CC2D2A: variants seen among roughly 807,000 people sequenced by gnomAD.
CC2D2A encodes coiled-coil and C2 domain-containing protein 2A.
CC2D2A carries 155 observed loss-of-function variants against 212.9 expected under a neutral mutation model. The observed-to-expected ratio is 0.73, with a 90% CI of 0.64 to 0.83. The LOEUF is 0.83. Ranked by LOEUF, CC2D2A falls within the 40% of genes least tolerant of loss-of-function variation. The probability of loss-of-function intolerance (pLI) is 0.00; values close to 1 mark genes in which losing one functional copy is unlikely to be tolerated. For missense variants in CC2D2A, 1,856 were observed against 1,956.2 expected (o/e 0.95, Z 0.97); for synonymous variants, 667 against 686.5 (o/e 0.97, Z 0.44).
Position 15,599,532 on chromosome 4 carries a change from T to G in CC2D2A, c.4500T>G (p.Ile1500Met), listed in dbSNP as rs1721480116. The change falls in exon 36 of 37, where the codon ATT (isoleucine) becomes ATG (methionine). Residue 1500 changes from isoleucine (I) to methionine (M), a missense_variant. Ile to Met is a conservative substitution (Grantham distance 10). Around this residue, in one of 5 missense-constraint regions of CC2D2A, gnomAD observed 285 missense variants for 278.4 expected, o/e 1.02. Transcript: ENST00000424120. ...GGAATTTATGTTTTGTGAACAGGAT[T>G]GAAAAAATACTAAAAGAAAAAATCA... Reference protein sequence around the residue: ...KAAAAELQDRIEKILKEKIMD... With the variant: ...KAAAAELQDRMEKILKEKIMD... 3 of 1,552,406 alleles carry G rather than the reference T, an allele frequency of 1.9e-6. No homozygotes were observed. Among genetic ancestry groups the G allele is most frequent in the Middle Eastern group, 3.4e-4 (2 of 5,810 alleles).
intron 30 of CC2D2A, among the ~76,000 whole-genome samples, chr4:15,581,241 T>C (rs1720652582): frequency 1.3e-5 from 2 of 152,212 alleles, no homozygotes; most frequent in South Asian, 4.1e-4. Context: ...TATTACACAA[T>C]TTTTATAGAA....
At chr4:15,528,204 G>C (rs528032059) in intron 12 of CC2D2A, among the ~76,000 whole-genome samples, 2 of 152,290 alleles carry the variant, frequency 1.3e-5, no homozygotes, top group Non-Finnish European at 2.9e-5. Flanking sequence ...GCCCAAAGAA[G>C]AGATAACTTC....
chr4:15,470,696 T>TC (rs1479201617), intron 1 of CC2D2A, among the ~76,000 whole-genome samples: 8 of 28,244 alleles, frequency 2.8e-4, no homozygotes, highest in African/African-American at 1.6e-3. Context: ...TCTCTATATA[T>TC]ATATATATAT....
Position 15,567,363 on chromosome 4 carries a change from A to C in CC2D2A, c.3183-14A>C. 1.9e-6 allele frequency: 3 copies of C among 1,588,394 alleles called. No homozygotes were observed. Among genetic ancestry groups the C allele is most frequent in the Non-Finnish European group, 2.6e-6 (3 of 1,158,162 alleles). On this transcript the variant is annotated splice_polypyrimidine_tract_variant and intron_variant, in intron 24 of 36. Transcript: ENST00000424120. Reference sequence around the variant, plus strand: ...CCTCTATCATTAATTTCCTTCATACATTTTCTCTCCTAGCAAATTCCAGCA... The same window carrying C: ...CCTCTATCATTAATTTCCTTCATACCTTTTCTCTCCTAGCAAATTCCAGCA...
intron 4 of CC2D2A, among the ~76,000 whole-genome samples, chr4:15,485,793 T>G (rs905277880): frequency 1.3e-5 from 2 of 152,158 alleles, no homozygotes; most frequent in Admixed American, 6.5e-5. Context: ...TATCAATGTT[T>G]TTTGCCTATT....
intron 11 of CC2D2A, among the ~76,000 whole-genome samples, chr4:15,526,218 T>C (rs1378876701): frequency 2.0e-5 from 3 of 152,172 alleles, no homozygotes; most frequent in African/African-American, 7.2e-5. Context: ...CCATTAATCT[T>C]TGTTGAGTAA....
chr4:15,574,267 A>AT lies in CC2D2A; in HGVS notation c.3714dup (p.Thr1239TyrfsTer7). On this transcript the variant is annotated frameshift_variant, in exon 29 of 37. Coordinates refer to ENST00000424120, the MANE Select transcript of CC2D2A (RefSeq NM_001378615.1). LOFTEE classifies it high-confidence loss of function. ...CCGAAGCTTAAGTGAAGGCTCCTAC[A>AT]TTACCCTCTTTATTACCATTGAGCC... is the stretch of plus-strand genomic sequence containing the variant. 1 of 1,551,606 alleles carries AT rather than the reference A, an allele frequency of 6.4e-7. No individual in the cohort carries two copies.
rs200707391 is a variant in CC2D2A at position 15,557,452 on chromosome 4, G to C, written c.2774G>C (p.Arg925Pro). The C allele has an allele frequency of 1.2e-6, 2 of 1,612,496 alleles. No individual in the cohort carries two copies. Among genetic ancestry groups the C allele is most frequent in the African/African-American group, 2.7e-5 (2 of 74,866 alleles). ...AGAAGCCAAGAGGTGCCAGAATTCCGAAATTATAAGCAAGTTCCAGTCTAT... is the reference window on the plus strand; with the variant it reads ...AGAAGCCAAGAGGTGCCAGAATTCCCAAATTATAAGCAAGTTCCAGTCTAT... ...HLRSQEVPEF[R>P]NYKQVPVYDR... The change falls in exon 21 of 37, where the codon CGA (arginine) becomes CCA (proline). Residue 925 changes from arginine to proline, a missense_variant. Physicochemically the swap from Arg to Pro is moderately radical, Grantham distance 103. This residue lies in a region of CC2D2A where 1,512 missense variants were observed against 1,579.3 expected (regional missense o/e 0.96). Coordinates refer to ENST00000424120, the MANE Select transcript of CC2D2A (RefSeq NM_001378615.1).
chr4:15,525,219 T>C (rs764002504), intron 11 of CC2D2A, among the ~76,000 whole-genome samples: 10 of 152,202 alleles, frequency 6.6e-5, no homozygotes, highest in Non-Finnish European at 1.3e-4. Flanking sequence ...CTACCCACGT[T>C]ATTTACTCAT....
intron 2 of CC2D2A, 60 bp from the exon 3 acceptor site, chr4:15,478,663 C>A: frequency 7.6e-7 from 1 of 1,317,660 alleles, no homozygotes; most frequent in Non-Finnish European, 1.1e-6. Flanking sequence ...AATTTTAATA[C>A]CTAAAAGTCA....
At position 15,589,661 on chromosome 4, in the gene CC2D2A, T is replaced by C. The variant is rs372671421; in HGVS notation, c.4296T>C (p.Cys1432=). 6.0e-4 allele frequency: 955 copies of C among 1,595,288 alleles called. 1 individual carries two copies. The highest frequency in any genetic ancestry group is 7.8e-4 in the Non-Finnish European group (917 of 1,169,464). Residue 1432 remains cysteine, a synonymous_variant, in exon 33 of 37, where the codon TGT becomes TGC. Transcript: ENST00000424120. ...DTFCPLKNVG[C]LIGPDNIWFN... Reference sequence around the variant, plus strand: ...TCTGTCCCTTGAAAAATGTGGGCTGTTTAATAGGTCCTGACAATGTAAGTA... The same window carrying C: ...TCTGTCCCTTGAAAAATGTGGGCTGCTTAATAGGTCCTGACAATGTAAGTA...
chr4:15,544,561 CCT>C (rs1039483537), intron 17 of CC2D2A, among the ~76,000 whole-genome samples: 4 of 152,100 alleles, frequency 2.6e-5, no homozygotes, highest in African/African-American at 9.7e-5. Flanking sequence ...GGCAAGAAGG[CCT>C]CCCCTCCTGC....
At chr4:15,480,626 G>C (rs1366501410) in intron 3 of CC2D2A, 78 bp from the exon 4 acceptor site, 1 of 1,496,852 alleles carries the variant, frequency 6.7e-7, no homozygotes, top group Non-Finnish European at 9.0e-7. Flanking sequence ...CCCCTCACTG[G>C]TGACCCATCT....
rs750137071 is a variant in CC2D2A, at chr4:15,480,692, T to C, written c.124-12T>C. ...CCTGGGAGTCTCTGAACCTCTGACC[T>C]TCTTCCTCCAGCCACCAACTGCTGT... On this transcript the variant is annotated splice_polypyrimidine_tract_variant and intron_variant, in intron 3 of 36. Coordinates refer to ENST00000424120, the MANE Select transcript of CC2D2A (RefSeq NM_001378615.1). The C allele has an allele frequency of 6.2e-7, 1 of 1,606,706 alleles. No individual in the cohort carries two copies. The highest frequency in any genetic ancestry group is 2.2e-5 in the East Asian group (1 of 44,522).
In CC2D2A at chr4:15,533,321, T is replaced by C; in HGVS notation, c.1595T>C (p.Leu532Pro). The C allele has an allele frequency of 6.4e-7, 1 of 1,556,312 alleles. No individual in the cohort carries two copies. The highest frequency in any genetic ancestry group is 8.7e-7 in the Non-Finnish European group (1 of 1,153,428). The change falls in exon 14 of 37, where the codon CTT (leucine) becomes CCT (proline). Residue 532 changes from leucine (L) to proline (P), a missense_variant. Physicochemically the swap from Leu to Pro is moderately conservative, Grantham distance 98. This residue lies in a region of CC2D2A where 1,512 missense variants were observed against 1,579.3 expected (regional missense o/e 0.96). Coordinates refer to ENST00000424120, the MANE Select transcript of CC2D2A (RefSeq NM_001378615.1). Reference sequence around the variant, plus strand: ...AGATTTACAAATACTCCCTTGAAACTTGTTTTGAGAAAGTAGGCTTTTTTG... The same window carrying C: ...AGATTTACAAATACTCCCTTGAAACCTGTTTTGAGAAAGTAGGCTTTTTTG... ...FQRFTNTPLK[L>P]VLRKEKADQK...
At chr4:15,551,557 TTA>T (rs1719009917) in intron 18 of CC2D2A, among the ~76,000 whole-genome samples, 2 of 152,182 alleles carry the variant, frequency 1.3e-5, no homozygotes, top group African/African-American at 4.8e-5. Flanking sequence ...CTGTCTCTTA[TTA>T]TTGGAACTAA....
rs1577388443 is a variant in CC2D2A, at chr4:15,574,328, TAACTACTTATAGTTTGGA to T, written c.3771+6_3771+23del. On this transcript the variant is annotated splice_donor_5th_base_variant and intron_variant, in intron 29 of 36. Coordinates refer to ENST00000424120, the MANE Select transcript of CC2D2A (RefSeq NM_001378615.1). ...CCTGGAGAGTCCATTCGAGAAAAGG[TAACTACTTATAGTTTGGA>T]AACCCATGTCTATGTTGATAAAACA... is the stretch of plus-strand genomic sequence containing the variant. The T allele has an allele frequency of 1.3e-6, 2 of 1,545,676 alleles. No homozygotes were observed. Among genetic ancestry groups the T allele is most frequent in the Non-Finnish European group, 1.7e-6 (2 of 1,144,058 alleles).
chr4:15,557,473 T>C lies in CC2D2A; in HGVS notation c.2795T>C (p.Val932Ala), dbSNP rs1289298718. Reference sequence around the variant, plus strand: ...TTCCGAAATTATAAGCAAGTTCCAGTCTATGACCGAGAAATTATGGAAAAG... The same window carrying C: ...TTCCGAAATTATAAGCAAGTTCCAGCCTATGACCGAGAAATTATGGAAAAG... ...PEFRNYKQVP[V>A]YDREIMEKVF... is the part of the protein sequence containing the mutation. Residue 932 changes from valine to alanine, a missense_variant, in exon 21 of 37, where the codon GTC (valine) becomes GCC (alanine). Coordinates refer to ENST00000424120, the MANE Select transcript of CC2D2A (RefSeq NM_001378615.1). 6.8e-6 allele frequency: 11 copies of C among 1,610,774 alleles called. No homozygotes were observed. The highest frequency in any genetic ancestry group is 8.5e-6 in the Non-Finnish European group (10 of 1,178,580).
chr4:15,584,653 A>G (rs4554068), intron 30 of CC2D2A, among the ~76,000 whole-genome samples: 8,206 of 152,310 alleles, frequency 0.054, 310 homozygotes, highest in Admixed American at 0.1. Flanking sequence ...AAATGAGATT[A>G]CATCAATCTA....
Sources: allele counts gnomAD v4.1 joint callset (sites outside exome capture counted in the v4.1 genomes callset), GRCh38; gene constraint gnomAD v4.1.1; regional missense constraint gnomAD v4.1.1; transcripts MANE v1.5; gene names NCBI Gene and HGNC (gene_info 2026-07-23, HGNC 2026-07-21).